Variants in FOCAD observed in about 807,000 individuals in gnomAD.
FOCAD encodes the protein KIAA1797.
FOCAD carries 198 observed loss-of-function variants against 225.6 expected under a neutral mutation model. The ratio of observed to expected loss-of-function variants is 0.88; its 90% CI spans 0.78 to 0.99. The LOEUF is 0.99. Ranked by LOEUF, FOCAD falls within the 50% of genes least tolerant of loss-of-function variation. The probability of loss-of-function intolerance (pLI) is 0.00; values close to 1 mark genes in which losing one functional copy is unlikely to be tolerated. For missense variants in FOCAD, 2,713 were observed against 2,123.6 expected (o/e 1.28, Z -5.46); for synonymous variants, 897 against 755.0 (o/e 1.19, Z -3.08).
At chr9:20,969,063 T>G (rs570115176) in intron 35 of FOCAD, among the ~76,000 whole-genome samples, 2 of 152,310 alleles carry the variant, frequency 1.3e-5, no homozygotes, top group South Asian at 2.1e-4. Flanking sequence ...TACTTTCCAT[T>G]TATTAGTGAG....
In FOCAD at chr9:20,929,462, G is replaced by T; in HGVS notation, c.3183G>T (p.Lys1061Asn). 1 of 1,614,128 alleles carries T rather than the reference G, an allele frequency of 6.2e-7. No individual in the cohort carries two copies. Among genetic ancestry groups the T allele is most frequent in the Admixed American group, 1.7e-5 (1 of 60,004 alleles). The change falls in exon 27 of 44, where the codon AAG becomes AAT. Residue 1061 changes from lysine (K) to asparagine (N), a missense_variant. Physicochemically the swap from Lys to Asn is moderately conservative, Grantham distance 94. Transcript: ENST00000338382. ...TTTTCATTATCTCTTGCAAAGAGAA[G>T]GTTGAGGAAATCCTGAACATGCTGA... ...VPVFIISCKE[K>N]VEEILNMLTA...
chr9:20,803,214 A>C (rs1221672142), intron 11 of FOCAD, among the ~76,000 whole-genome samples: 3 of 152,100 alleles, frequency 2.0e-5, no homozygotes, highest in African/African-American at 7.2e-5. Flanking sequence ...TGAAAAGAAG[A>C]GGGAGGATTG....
intron 8 of FOCAD, among the ~76,000 whole-genome samples, chr9:20,771,939 T>G (rs1023781298): frequency 3.3e-5 from 5 of 152,146 alleles, no homozygotes; most frequent in African/African-American, 1.2e-4. Flanking sequence ...CAGATTGGAT[T>G]ATGGCCCCAC....
At chr9:20,658,251 C>A (rs546381432), upstream of FOCAD, 1,920 of 155,694 alleles carry the variant, frequency 0.012, 37 homozygotes, top group African/African-American at 0.042. Flanking sequence ...GCCCTGCCCC[C>A]AGAGGTGGAG....
chr9:20,687,515 C>G (rs1050665615), intron 1 of FOCAD, among the ~76,000 whole-genome samples: 1 of 152,182 alleles, frequency 6.6e-6, no homozygotes, highest in Non-Finnish European at 1.5e-5. Context: ...TTCTTAAGTT[C>G]TACTCTATTT....
intron 35 of FOCAD, among the ~76,000 whole-genome samples, chr9:20,966,107 C>G (rs1839232659): frequency 6.6e-6 from 1 of 152,046 alleles, no homozygotes; most frequent in African/African-American, 2.4e-5. Context: ...GAGGAACTAC[C>G]AAACTGTTTT....
At chr9:20,847,242 C>T (rs376107048) in intron 15 of FOCAD, among the ~76,000 whole-genome samples, 3 of 152,012 alleles carry the variant, frequency 2.0e-5, no homozygotes, top group Admixed American at 6.6e-5. Flanking sequence ...TCTCTTTACC[C>T]GAGCCCTACA....
intron 21 of FOCAD, among the ~76,000 whole-genome samples, chr9:20,891,050 G>T (rs1306610921): frequency 6.6e-6 from 1 of 152,038 alleles, no homozygotes; most frequent in Non-Finnish European, 1.5e-5. Context: ...CTAACAAAAT[G>T]TGAAATATTT....
At chr9:20,825,448 G>A (rs566580316) in intron 15 of FOCAD, among the ~76,000 whole-genome samples, 66 of 152,078 alleles carry the variant, frequency 4.3e-4, no homozygotes, top group African/African-American at 1.6e-3. Context: ...CCATTTCCTG[G>A]TGGCATTTGG....
At chr9:20,907,083 A>G (rs1242178074) in intron 21 of FOCAD, 67 bp from the exon 22 acceptor site, 3 of 1,259,658 alleles carry the variant, frequency 2.4e-6, no homozygotes, top group Non-Finnish European at 3.4e-6. Context: ...AACTGATGAA[A>G]CAGTTTTAAT....
At chr9:20,754,751 G>A (rs1185820315) in intron 5 of FOCAD, among the ~76,000 whole-genome samples, 1 of 152,076 alleles carries the variant, frequency 6.6e-6, no homozygotes, top group African/African-American at 2.4e-5. Context: ...GGAGGCCAGG[G>A]ATGCTGCCAA....
At chr9:20,760,954 A>G (rs888871192) in intron 6 of FOCAD, among the ~76,000 whole-genome samples, 1 of 151,820 alleles carries the variant, frequency 6.6e-6, no homozygotes, top group Admixed American at 6.6e-5. Flanking sequence ...ATAGCTAGCT[A>G]TTTATGTTCA....
At chr9:20,788,797 C>G (rs1435404062) in intron 10 of FOCAD, among the ~76,000 whole-genome samples, 1 of 152,148 alleles carries the variant, frequency 6.6e-6, no homozygotes, top group Non-Finnish European at 1.5e-5. Context: ...GGTATTGTTT[C>G]AGCTTAGAGC....
At chr9:20,763,480 A>G (rs1403954237) in intron 6 of FOCAD, among the ~76,000 whole-genome samples, 1 of 152,216 alleles carries the variant, frequency 6.6e-6, no homozygotes, top group Non-Finnish European at 1.5e-5. Context: ...AAAAAATGTA[A>G]TGGCAATAAA....
At position 20,974,862 on chromosome 9, in the gene FOCAD, G is replaced by C. The variant is rs144455497; in HGVS notation, c.4133-1558G>C. 1.1e-4 allele frequency among the ~76,000 whole-genome samples: 16 copies of C among 151,938 alleles called. 1 individual carries two copies. Among genetic ancestry groups the C allele is most frequent in the Middle Eastern group, 3.4e-3 (1 of 294 alleles). On this transcript the variant is annotated intron_variant, in intron 35 of 43. Transcript: ENST00000338382. ...GTTTGCTGACTCTGGCTCCACATCT[G>C]CTTCTCCCATCTTTCAGCATCTACT...
At chr9:20,772,000 C>T (rs180740673) in intron 8 of FOCAD, among the ~76,000 whole-genome samples, 3 of 152,246 alleles carry the variant, frequency 2.0e-5, no homozygotes, top group Non-Finnish European at 1.5e-5. Flanking sequence ...AATACAGTCA[C>T]TTGAGGGTTA....
At chr9:20,939,299 G>A (rs1223308843) in intron 28 of FOCAD, among the ~76,000 whole-genome samples, 1 of 152,162 alleles carries the variant, frequency 6.6e-6, no homozygotes, top group East Asian at 1.9e-4. Flanking sequence ...TTGAGATTTT[G>A]AACCTAATCC....
intron 39 of FOCAD, among the ~76,000 whole-genome samples, chr9:20,983,123 C>T (rs1282847379): frequency 6.6e-6 from 1 of 152,198 alleles, no homozygotes; most frequent in Non-Finnish European, 1.5e-5. Flanking sequence ...GCATAAGTAG[C>T]ATCAGCATCG....
intron 4 of FOCAD, among the ~76,000 whole-genome samples, chr9:20,737,441 A>G (rs1827239307): frequency 6.6e-6 from 1 of 152,232 alleles, no homozygotes; most frequent in Admixed American, 6.5e-5. Context: ...TTCAGTCAGA[A>G]ATTCATCAAC....
Sources: allele counts gnomAD v4.1 joint callset (sites outside exome capture counted in the v4.1 genomes callset), GRCh38; gene constraint gnomAD v4.1.1; transcripts MANE v1.5; gene names NCBI Gene and HGNC (gene_info 2026-07-23, HGNC 2026-07-21).